Variants in BANP observed in about 807,000 individuals in gnomAD.
BANP encodes the protein protein BANP.
BANP carries 11 observed loss-of-function variants against 68.1 expected under a neutral mutation model. That is an observed-to-expected ratio of 0.16 (90% confidence interval 0.10 to 0.27). The LOEUF (loss-of-function observed/expected upper bound fraction) is 0.27, where lower values mean the gene tolerates loss of function less well. BANP is among the 10% of genes least tolerant of loss of function. The probability of loss-of-function intolerance (pLI) is 1.00; values close to 1 mark genes in which losing one functional copy is unlikely to be tolerated. For missense variants in BANP, 504 were observed against 722.7 expected, an observed-to-expected ratio of 0.70 and a Z score of 3.47; for synonymous variants, 329 against 303.2, an observed-to-expected ratio of 1.09 and a Z score of -0.88.
chr16:88,061,960 G>T (rs889362991), intron 11 of BANP, among the ~76,000 whole-genome samples: 2 of 152,164 alleles, frequency 1.3e-5, no homozygotes, highest in African/African-American at 4.8e-5. Context: ...CGCCCAGCCT[G>T]AGCACCTCAT....
At chr16:87,949,909 G>C (rs1474377482), upstream of BANP, 5 of 143,054 alleles carry the variant, frequency 3.5e-5, no homozygotes, top group Admixed American at 2.9e-4. Context: ...ACGGAGTCTC[G>C]TTCTGCTGCC....
chr16:88,065,468 C>T, intron 12 of BANP, 136 bp downstream of exon 12: 1 of 588,302 alleles, frequency 1.7e-6, no homozygotes, highest in East Asian at 2.9e-5. Context: ...ATCAGTTGAG[C>T]CACATCTGTG....
At chr16:87,983,600 C>G (rs1765313962) in intron 3 of BANP, among the ~76,000 whole-genome samples, 1 of 152,034 alleles carries the variant, frequency 6.6e-6, no homozygotes, top group Non-Finnish European at 1.5e-5. Flanking sequence ...AATCCCAAGT[C>G]AGGGCCACAG....
chr16:88,031,490 CAA>C (rs917979882), intron 8 of BANP, among the ~76,000 whole-genome samples: 2 of 150,336 alleles, frequency 1.3e-5, no homozygotes, highest in African/African-American at 4.9e-5. Context: ...CAAAAAAATA[CAA>C]AAAAAAATTA....
At chr16:88,032,531 A>G (rs1277304222) in intron 8 of BANP, among the ~76,000 whole-genome samples, 3 of 152,208 alleles carry the variant, frequency 2.0e-5, no homozygotes, top group African/African-American at 7.2e-5. Flanking sequence ...GCTTTTTAAA[A>G]TTAGTCATTA....
chr16:88,004,244 A>C lies in BANP; in HGVS notation c.363-51A>C, dbSNP rs2070306886. The C allele has an allele frequency of 9.2e-7, 1 of 1,087,316 alleles. No individual in the cohort carries two copies. The highest frequency in any genetic ancestry group is 1.4e-6 in the Non-Finnish European group (1 of 727,816). The allele number at this position is 1,087,316 out of a possible 1,614,324, so 67.4% of individuals were successfully genotyped here. ...TGACTCTTATGTGCTCTTACCATGAATGTTGTTGTTTTAAGGCCTTCTTTT... is the reference window on the plus strand; with the variant it reads ...TGACTCTTATGTGCTCTTACCATGACTGTTGTTGTTTTAAGGCCTTCTTTT... On this transcript the variant is annotated intron_variant, in intron 4 of 13. Coordinates refer to ENST00000682872, the MANE Select transcript of BANP (RefSeq NM_001386991.1). This position sits in a 1 kb window ranked among gnomAD's most constrained non-coding sequence, Gnocchi z 7.0.
At chr16:88,050,887 C>T (rs548035077) in intron 11 of BANP, among the ~76,000 whole-genome samples, 3 of 152,168 alleles carry the variant, frequency 2.0e-5, no homozygotes, top group East Asian at 3.9e-4. Context: ...GGGTTTTGCC[C>T]TGTTGCACAG....
At chr16:88,007,057 T>C (rs1179391610) in intron 6 of BANP, among the ~76,000 whole-genome samples, 2 of 152,114 alleles carry the variant, frequency 1.3e-5, no homozygotes, top group African/African-American at 4.8e-5. Flanking sequence ...TTGGGGTTTT[T>C]TGGTGCACAT....
In BANP at chr16:88,002,469, A is replaced by G. The variant is rs1165336621; in HGVS notation, c.363-1826A>G. Among the ~76,000 whole-genome samples, 3 of 152,100 alleles carry G rather than the reference A, an allele frequency of 2.0e-5. No homozygotes were observed. The highest frequency in any genetic ancestry group is 4.4e-5 in the Non-Finnish European group (3 of 68,020). On this transcript the variant is annotated intron_variant, in intron 4 of 13. Coordinates refer to ENST00000682872, the MANE Select transcript of BANP (RefSeq NM_001386991.1). This position sits in a 1 kb window ranked among gnomAD's most constrained non-coding sequence, Gnocchi z 4.6. ...ATGGTGCATCCAGTGTGTTCAGAGC[A>G]GAGGTTGTTTTTTAGGTGGGAAAAG...
chr16:88,050,308 A>G (rs2152821088), intron 11 of BANP, among the ~76,000 whole-genome samples: 1 of 152,048 alleles, frequency 6.6e-6, no homozygotes, highest in Non-Finnish European at 1.5e-5. Flanking sequence ...AGCTCGGGCT[A>G]CCACACCCAG....
chr16:88,046,183 T>C (rs900021715), intron 11 of BANP, among the ~76,000 whole-genome samples: 1 of 152,228 alleles, frequency 6.6e-6, no homozygotes, highest in Non-Finnish European at 1.5e-5. Flanking sequence ...CCTTAGAGCC[T>C]CCTGACGCGG....
chr16:88,039,002 C>A (rs2080100227), intron 11 of BANP, among the ~76,000 whole-genome samples: 1 of 152,220 alleles, frequency 6.6e-6, no homozygotes, highest in South Asian at 2.1e-4. Flanking sequence ...GGATCTCTGA[C>A]CCGACTGAGC....
Position 88,027,369 on chromosome 16 carries a change from G to A in BANP, c.896-114G>A, listed in dbSNP as rs539657166. On this transcript the variant is annotated intron_variant, in intron 7 of 13. Transcript: ENST00000682872. The stretch of plus-strand genomic sequence containing the variant: ...TGCAGGAAGACGGGGCCGGCCTGGC[G>A]GGCTGGGGTGCCTGGGTGAGGCCTC... 65 of 1,186,964 alleles carry A rather than the reference G, an allele frequency of 5.5e-5. No individual in the cohort carries two copies. The East Asian group carries it at 9.2e-4, about 17-fold the overall frequency. The allele number at this position is 1,186,964 out of a possible 1,614,324, so 73.5% of individuals were successfully genotyped here.
At chr16:88,072,955 G>T (rs541891095) in intron 13 of BANP, among the ~76,000 whole-genome samples, 1 of 152,234 alleles carries the variant, frequency 6.6e-6, no homozygotes, top group Non-Finnish European at 1.5e-5. Context: ...CATTCTGGCC[G>T]CTGTCTTTGG....
intron 1 of BANP, among the ~76,000 whole-genome samples, chr16:87,960,995 C>A (rs977548534): frequency 6.6e-6 from 1 of 152,138 alleles, no homozygotes; most frequent in South Asian, 2.1e-4. Flanking sequence ...GCTGATGAAC[C>A]GTATGCTTTT....
At chr16:88,029,726 G>T (rs1283296805) in intron 8 of BANP, among the ~76,000 whole-genome samples, 1 of 152,126 alleles carries the variant, frequency 6.6e-6, no homozygotes, top group African/African-American at 2.4e-5. Flanking sequence ...TGAATCGGCT[G>T]TCCTAAGACG....
At chr16:88,021,233 C>G (rs1266182237) in intron 7 of BANP, among the ~76,000 whole-genome samples, 1 of 152,196 alleles carries the variant, frequency 6.6e-6, no homozygotes, top group African/African-American at 2.4e-5. Flanking sequence ...TTGGGGCCCA[C>G]TGGCCCGGCC....
chr16:87,989,852 G>A lies in BANP; in HGVS notation c.362+5593G>A, dbSNP rs1405305097. Among the ~76,000 whole-genome samples the A allele has an allele frequency of 1.7e-4, 20 of 116,480 alleles. 1 individual carries two copies. The highest frequency in any genetic ancestry group is 3.1e-4 in the Non-Finnish European group (18 of 57,404). 76.4% of individuals were successfully genotyped at this position (116,480 alleles called of 152,430 possible). On this transcript the variant is annotated intron_variant, in intron 4 of 13. Transcript: ENST00000682872. ...GTGATGGGGGATGCAGGCCCGCGTGGCTGCGTGCATCCAGGACACAGGACA... is the reference window on the plus strand; with the variant it reads ...GTGATGGGGGATGCAGGCCCGCGTGACTGCGTGCATCCAGGACACAGGACA...
chr16:87,976,462 T>C lies in BANP; in HGVS notation c.70+1277T>C, dbSNP rs186700066. Among the ~76,000 whole-genome samples the C allele has an allele frequency of 2.3e-4, 23 of 101,570 alleles. No homozygotes were observed. The East Asian group carries it at 2.9e-3, about 13-fold the overall frequency. The allele number at this position is 101,570 out of a possible 152,430, so 66.6% of individuals were successfully genotyped here. A position where few individuals can be genotyped will look rare whatever the true frequency, so the allele number is the denominator to read the frequency against. On this transcript the variant is annotated intron_variant, in intron 2 of 13. Coordinates refer to ENST00000682872, the MANE Select transcript of BANP (RefSeq NM_001386991.1). ...TGTGATAACACTTTGTCCACACTTA[T>C]TGTTTTAAAAAGTTTTTTTTTTTTT... is the stretch of plus-strand genomic sequence containing the variant.
Sources: gnomAD v4.1 joint callset for allele counts (sites outside exome capture counted in the v4.1 genomes callset) on GRCh38, gnomAD v4.1.1 for gene constraint, Gnocchi (gnomAD v3.1) non-coding constraint, MANE v1.5 for transcripts, NCBI Gene and HGNC (gene_info 2026-07-23, HGNC 2026-07-21) for gene names.